The following CMTR1 variants were observed in gnomAD, a reference collection of about 807,000 sequenced individuals.
CMTR1 encodes the protein cap-specific mRNA (nucleoside-2'-O-)-methyltransferase 1.
Under a neutral mutation model 107.0 loss-of-function variants are expected in CMTR1, and 39 were observed. That is an observed-to-expected ratio of 0.36 (90% CI 0.28 to 0.48). The LOEUF is 0.48. CMTR1 is among the 20% of genes least tolerant of loss of function. The pLI, the probability that CMTR1 is intolerant of heterozygous loss-of-function variation, is 0.99. For synonymous variants in CMTR1, 366 were observed against 379.5 expected (o/e 0.96, Z 0.41); for missense variants, 672 against 1,064.9 (o/e 0.63, Z 5.14).
In CMTR1 at chr6:37,435,767, G is replaced by A. The variant is rs202247024; in HGVS notation, c.133+5G>A. The A allele has an allele frequency of 6.3e-6, 10 of 1,583,584 alleles. No homozygotes were observed. Among genetic ancestry groups the A allele is most frequent in the Admixed American group, 5.8e-5 (3 of 51,494 alleles). ...CTGTCAGTCATGGAGCAAAAGGTACGTGTGCTTGTGTGGTCTGAGGCCACT... is the reference window on the plus strand; with the variant it reads ...CTGTCAGTCATGGAGCAAAAGGTACATGTGCTTGTGTGGTCTGAGGCCACT... On this transcript the variant is annotated splice_donor_5th_base_variant and intron_variant, in intron 2 of 23. Coordinates refer to ENST00000373451, the MANE Select transcript of CMTR1 (RefSeq NM_015050.3).
chr6:37,471,787 A>C lies in CMTR1; in HGVS notation c.1563-60A>C, dbSNP rs1561792054. ...CCTCTCTATGGGATATGAGGGGTGC[A>C]CAGGGGGCACTCCTGTGCCTCTTAG... On this transcript the variant is annotated intron_variant, in intron 14 of 23. Transcript: ENST00000373451. 7 of 1,497,028 alleles carry C rather than the reference A, an allele frequency of 4.7e-6. 1 individual carries two copies. The highest frequency in any genetic ancestry group is 1.1e-5 in the South Asian group (1 of 87,710). The allele number at this position is 1,497,028 out of a possible 1,614,324, so 92.7% of individuals were successfully genotyped here. A position where few individuals can be genotyped will look rare whatever the true frequency, so the allele number is the denominator to read the frequency against.
At chr6:37,473,751 G>C (rs370234327) in intron 17 of CMTR1, 150 bp downstream of exon 17, 2 of 937,852 alleles carry the variant, frequency 2.1e-6, no homozygotes, top group Admixed American at 3.1e-5. Flanking sequence ...TTGAAACTTC[G>C]TTTCCTTTCT....
chr6:37,442,845 C>T (rs544059479), intron 2 of CMTR1, among the ~76,000 whole-genome samples: 7 of 152,206 alleles, frequency 4.6e-5, no homozygotes, highest in African/African-American at 1.4e-4. Context: ...TACACACTGC[C>T]GTCTGTGACT....
intron 21 of CMTR1, 75 bp from the exon 22 acceptor site, chr6:37,478,334 T>C: frequency 8.5e-7 from 1 of 1,171,980 alleles, no homozygotes; most frequent in East Asian, 2.4e-5. Context: ...GTTGGGGTGA[T>C]TTTATTAGTC....
chr6:37,427,986 T>TTGTCAACC, the CMTR1 span, among the ~76,000 whole-genome samples: 1 of 142,480 alleles, frequency 7.0e-6, no homozygotes, highest in Non-Finnish European at 1.5e-5. The surrounding 1 kb of genome is among the most constrained non-coding windows in gnomAD (Gnocchi z 4.4). Context: ...ATACATAGTT[T>TTGTCAACC]TGTCAACCTA....
chr6:37,431,806 ATGTTT>A (rs1359609088), upstream of CMTR1, among the ~76,000 whole-genome samples: 1 of 152,076 alleles, frequency 6.6e-6, no homozygotes, highest in African/African-American at 2.4e-5. Context: ...GAGACATGGC[ATGTTT>A]TGTTTTGTTG....
chr6:37,479,617 A>G (rs1761814806), intron 23 of CMTR1, among the ~76,000 whole-genome samples: 1 of 152,214 alleles, frequency 6.6e-6, no homozygotes. Context: ...TTGGCACTCA[A>G]GGTCCCAGCT....
At position 37,480,831 on chromosome 6, in the gene CMTR1, C is replaced by T; in HGVS notation, c.*686C>T. 8.8e-7 allele frequency: 1 copy of T among 1,132,078 alleles called. No individual in the cohort carries two copies. The highest frequency in any genetic ancestry group is 1.1e-6 in the Non-Finnish European group (1 of 914,144). The allele number at this position is 1,132,078 out of a possible 1,614,324, so 70.1% of individuals were successfully genotyped here. A position where few individuals can be genotyped will look rare whatever the true frequency, so the allele number is the denominator to read the frequency against. On this transcript the variant is annotated 3_prime_UTR_variant, in exon 24 of 24. Coordinates refer to ENST00000373451, the MANE Select transcript of CMTR1 (RefSeq NM_015050.3). Reference sequence around the variant, plus strand: ...ATACCACATTGAGATCCTGGGAGCCCTCTTTTCGTACTGAGTATGGAGTTG... The same window carrying T: ...ATACCACATTGAGATCCTGGGAGCCTTCTTTTCGTACTGAGTATGGAGTTG...
chr6:37,463,912 A>G (rs1442357162), intron 13 of CMTR1, among the ~76,000 whole-genome samples: 1 of 152,214 alleles, frequency 6.6e-6, no homozygotes, highest in Non-Finnish European at 1.5e-5. Flanking sequence ...AAACAGGCCC[A>G]GCGACCCGCC....
chr6:37,461,707 A>G (rs1340635815), intron 11 of CMTR1, 62 bp downstream of exon 11: 1 of 1,148,682 alleles, frequency 8.7e-7, no homozygotes, highest in African/African-American at 1.6e-5. Flanking sequence ...TTGGACAAGA[A>G]CATGTACAAG....
In CMTR1 at chr6:37,472,539, T is replaced by TCTA; in HGVS notation, c.1689+52_1689+53insCTA. The TCTA allele has an allele frequency of 6.4e-7, 1 of 1,558,176 alleles. No individual in the cohort carries two copies. Among genetic ancestry groups the TCTA allele is most frequent in the African/African-American group, 1.4e-5 (1 of 73,832 alleles). ...AAAAAGTTAGAGATCTGTCTCTAGATGTGGATGGTATCACTGAGGCCCCAG... is the reference window on the plus strand; with the variant it reads ...AAAAAGTTAGAGATCTGTCTCTAGATCTAGTGGATGGTATCACTGAGGCCCCAG... On this transcript the variant is annotated intron_variant, in intron 16 of 23. Transcript: ENST00000373451. This position sits in a 1 kb window ranked among gnomAD's most constrained non-coding sequence, Gnocchi z 4.1.
intron 13 of CMTR1, among the ~76,000 whole-genome samples, chr6:37,465,496 A>G (rs1761488987): frequency 6.6e-6 from 1 of 152,114 alleles, no homozygotes. Context: ...CTTATTGGCT[A>G]TTTGTATATC....
Position 37,473,708 on chromosome 6 carries a change from T to C in CMTR1, c.1821+107T>C, listed in dbSNP as rs372773913. On this transcript the variant is annotated intron_variant, in intron 17 of 23. Transcript: ENST00000373451. ...TGGTACATGTTCTCTTGGCATTAAG[T>C]AGCTGTTGCTTTGACCCTAGTGAAG... 3.7e-6 allele frequency: 5 copies of C among 1,343,970 alleles called. No homozygotes were observed. The East Asian group carries it at 7.1e-5, about 19-fold the overall frequency. 83.3% of individuals were successfully genotyped at this position (1,343,970 alleles called of 1,614,324 possible). A position where few individuals can be genotyped will look rare whatever the true frequency, so the allele number is the denominator to read the frequency against.
rs1280086794 is a variant in CMTR1, at chr6:37,459,672, G to T, written c.1083G>T (p.Leu361=). 7 of 1,612,772 alleles carry T rather than the reference G, an allele frequency of 4.3e-6. No homozygotes were observed. Among genetic ancestry groups the T allele is most frequent in the Non-Finnish European group, 5.9e-6 (7 of 1,178,756 alleles). The change falls in exon 10 of 24, where the codon CTG becomes CTT. Residue 361 remains leucine (L), a synonymous_variant. Transcript: ENST00000373451. The part of the protein sequence containing the change: ...DNTDRKGVHF[L]MADGGFSVEG... ...CAGATCGCAAGGGTGTCCATTTTCT[G>T]ATGGCTGATGGGGTAGGTTACCTTT...
chr6:37,435,103 CATT>C (rs1422464186), intron 1 of CMTR1, among the ~76,000 whole-genome samples: 1 of 152,174 alleles, frequency 6.6e-6, no homozygotes, highest in African/African-American at 2.4e-5. Flanking sequence ...TGTTTTCAAA[CATT>C]ATGAAGTAAA....
In CMTR1 at chr6:37,472,031, C is replaced by A. The variant is rs1456646693; in HGVS notation, c.1620+127C>A. The A allele has an allele frequency of 1.2e-5, 10 of 818,842 alleles. No homozygotes were observed. In the African/African-American group the frequency reaches 1.7e-4, roughly 14 times the overall value. 50.7% of individuals were successfully genotyped at this position (818,842 alleles called of 1,614,324 possible). Reference sequence around the variant, plus strand: ...AAAATATCTGCTACCCTCACAGCATCCCAGAGGTTGACATCTCGGCATTGT... The same window carrying A: ...AAAATATCTGCTACCCTCACAGCATACCAGAGGTTGACATCTCGGCATTGT... On this transcript the variant is annotated intron_variant, in intron 15 of 23. Transcript: ENST00000373451. The surrounding 1 kb of genome is among the most constrained non-coding windows in gnomAD (Gnocchi z 4.1).
the CMTR1 span, among the ~76,000 whole-genome samples, chr6:37,424,242 T>C: frequency 3.8e-5 from 4 of 104,654 alleles, no homozygotes; most frequent in South Asian, 2.7e-4. Context: ...AGTACCTTTT[T>C]CTTTCTTTTT....
At chr6:37,453,649 A>AC (rs1317112832) in intron 8 of CMTR1, among the ~76,000 whole-genome samples, 125 of 152,288 alleles carry the variant, frequency 8.2e-4, no homozygotes, top group African/African-American at 2.7e-3. Context: ...AGAGGGGAAT[A>AC]TGGTTTGAGT....
At chr6:37,437,770 T>C (rs1431001495) in intron 2 of CMTR1, among the ~76,000 whole-genome samples, 2 of 152,122 alleles carry the variant, frequency 1.3e-5, no homozygotes, top group African/African-American at 4.8e-5. Flanking sequence ...TTGGTGAAGA[T>C]AGAATCTCCT....
Sources: allele counts gnomAD v4.1 joint callset (sites outside exome capture counted in the v4.1 genomes callset), GRCh38; gene constraint gnomAD v4.1.1; non-coding constraint Gnocchi (gnomAD v3.1); transcripts MANE v1.5; gene names NCBI Gene and HGNC (gene_info 2026-07-23, HGNC 2026-07-21).